The following SNTG1 variants were observed in gnomAD, a reference collection of about 807,000 sequenced individuals.
SNTG1 encodes syntrophin gamma 1, also known as gamma-1-syntrophin.
In SNTG1, 39 loss-of-function variants were observed where a neutral mutation model predicts 74.7. That is an observed-to-expected ratio of 0.52 (90% CI 0.40 to 0.68). The LOEUF (loss-of-function observed/expected upper bound fraction) is 0.68. Ranked by LOEUF, SNTG1 falls within the 30% of genes least tolerant of loss-of-function variation. SNTG1 has a pLI of 0.00. For missense variants in SNTG1, 685 were observed against 609.5 expected (o/e 1.12, Z -1.30); for synonymous variants, 254 against 217.1 (o/e 1.17, Z -1.49).
chr8:50,697,898 T>C (rs971805233), intron 15 of SNTG1, among the ~76,000 whole-genome samples: 13 of 152,180 alleles, frequency 8.5e-5, no homozygotes, highest in African/African-American at 3.1e-4. Flanking sequence ...AGTTTTATTT[T>C]TTGTTATTGT....
intron 12 of SNTG1, among the ~76,000 whole-genome samples, chr8:50,589,186 A>C (rs770305878): frequency 4.3e-4 from 66 of 152,180 alleles, no homozygotes; most frequent in Non-Finnish European, 8.1e-4. Context: ...CATTCAAAGG[A>C]TAGAGATGGT....
intron 12 of SNTG1, among the ~76,000 whole-genome samples, chr8:50,581,773 A>C (rs1177250389): frequency 1.3e-5 from 2 of 152,206 alleles, no homozygotes; most frequent in Non-Finnish European, 2.9e-5. Context: ...CTTTGGTTTC[A>C]CAGACTCAAG....
At chr8:50,067,064 T>C (rs1820960656) in intron 1 of SNTG1, among the ~76,000 whole-genome samples, 2 of 152,210 alleles carry the variant, frequency 1.3e-5, no homozygotes, top group Non-Finnish European at 2.9e-5. Context: ...AAAGCCATTC[T>C]GCTGTCACCA....
At chr8:50,771,937 A>G (rs2095628247) in intron 18 of SNTG1, among the ~76,000 whole-genome samples, 1 of 152,252 alleles carries the variant, frequency 6.6e-6, no homozygotes, top group East Asian at 1.9e-4. Context: ...TGTGAGAGCT[A>G]TGGAAACAAG....
At chr8:50,607,369 ATT>A (rs144425231) in intron 13 of SNTG1, among the ~76,000 whole-genome samples, 3 of 147,432 alleles carry the variant, frequency 2.0e-5, no homozygotes, top group Admixed American at 6.8e-5. Flanking sequence ...GGTTTTAACT[ATT>A]TTTTTTTTGT....
chr8:50,389,152 C>G (rs73676105), intron 2 of SNTG1, among the ~76,000 whole-genome samples: 2,289 of 152,290 alleles, frequency 0.015, 60 homozygotes, highest in African/African-American at 0.051. Context: ...CATTTCTCCC[C>G]ACCCATAGCT....
intron 15 of SNTG1, among the ~76,000 whole-genome samples, chr8:50,662,226 C>A (rs571276565): frequency 4.6e-5 from 7 of 152,264 alleles, no homozygotes; most frequent in Admixed American, 3.9e-4. Flanking sequence ...GAAAATGGAT[C>A]CCTCAGGTGA....
intron 1 of SNTG1, among the ~76,000 whole-genome samples, chr8:50,117,364 T>C (rs942946184): frequency 1.3e-5 from 2 of 152,128 alleles, no homozygotes; most frequent in Non-Finnish European, 1.5e-5. Context: ...ATGATCAAAA[T>C]GCGTGTGATT....
chr8:50,335,208 T>C (rs2091100498), intron 2 of SNTG1, among the ~76,000 whole-genome samples: 1 of 152,212 alleles, frequency 6.6e-6, no homozygotes, highest in Admixed American at 6.5e-5. Context: ...GTGCTTTCTC[T>C]TTTTATTAGT....
chr8:50,129,982 T>C (rs982346509), intron 1 of SNTG1, among the ~76,000 whole-genome samples: 1 of 152,022 alleles, frequency 6.6e-6, no homozygotes, highest in Non-Finnish European at 1.5e-5. Flanking sequence ...AGAGTTAATA[T>C]ACTTAAGGAC....
intron 2 of SNTG1, among the ~76,000 whole-genome samples, chr8:50,362,151 A>G (rs2091977235): frequency 6.6e-6 from 1 of 152,160 alleles, no homozygotes; most frequent in African/African-American, 2.4e-5. Context: ...TGGATTTTGT[A>G]AGCCAGGGAA....
intron 2 of SNTG1, among the ~76,000 whole-genome samples, chr8:50,182,601 G>GA (rs965520684): frequency 2.3e-4 from 35 of 151,812 alleles, no homozygotes; most frequent in African/African-American, 8.2e-4. Context: ...ATTTTTTCAA[G>GA]AAAAAAATGT....
At chr8:50,315,310 G>A (rs1287307356) in intron 2 of SNTG1, among the ~76,000 whole-genome samples, 1 of 149,492 alleles carries the variant, frequency 6.7e-6, no homozygotes, top group Non-Finnish European at 1.5e-5. Flanking sequence ...GGAGCTAATG[G>A]GAGATAATTT....
chr8:50,503,494 T>A (rs915449800), intron 9 of SNTG1, among the ~76,000 whole-genome samples: 1 of 152,208 alleles, frequency 6.6e-6, no homozygotes, highest in South Asian at 2.1e-4. Context: ...ACACATTTGC[T>A]TAATCCACTT....
rs79023867 is a variant in SNTG1, at chr8:50,220,373, T to A, written c.-28+47738T>A. Among the ~76,000 whole-genome samples, 814 of 152,184 alleles carry A rather than the reference T, an allele frequency of 5.3e-3. 12 individuals carry two copies. Among genetic ancestry groups the A allele is most frequent in the African/African-American group, 0.019 (777 of 41,530 alleles). On this transcript the variant is annotated intron_variant, in intron 2 of 18. Coordinates refer to ENST00000642720, the MANE Select transcript of SNTG1 (RefSeq NM_018967.5). ...AAAATATATTGTTCTGAAAAATATA[T>A]TCAAAAGATAACAGGGATTATGAGA... is the stretch of plus-strand genomic sequence containing the variant.
At chr8:49,924,837 T>C (rs1806871370) in intron 1 of SNTG1, among the ~76,000 whole-genome samples, 1 of 151,852 alleles carries the variant, frequency 6.6e-6, no homozygotes, top group Non-Finnish European at 1.5e-5. Flanking sequence ...TATTCAATCA[T>C]GGTTGAATTC....
At chr8:50,216,142 G>C (rs1218972959) in intron 2 of SNTG1, among the ~76,000 whole-genome samples, 3 of 152,082 alleles carry the variant, frequency 2.0e-5, no homozygotes, top group Non-Finnish European at 4.4e-5. Context: ...AGCTGATTTG[G>C]CTGGCTAGAT....
intron 13 of SNTG1, among the ~76,000 whole-genome samples, chr8:50,598,938 CA>C (rs2130918687): frequency 6.6e-6 from 1 of 151,908 alleles, no homozygotes; most frequent in Non-Finnish European, 1.5e-5. Context: ...TTACTAAAGT[CA>C]TTCATTAGTT....
chr8:49,918,298 T>C (rs1301365470), intron 1 of SNTG1, among the ~76,000 whole-genome samples: 2 of 152,214 alleles, frequency 1.3e-5, no homozygotes, highest in Admixed American at 6.5e-5. Flanking sequence ...GGAATGAAGA[T>C]AGGTCAATAA....
Sources: allele counts gnomAD v4.1 joint callset (sites outside exome capture counted in the v4.1 genomes callset), GRCh38; gene constraint gnomAD v4.1.1; transcripts MANE v1.5; gene names NCBI Gene and HGNC (gene_info 2026-07-23, HGNC 2026-07-21).